The following DENND2C variants were observed in gnomAD, a reference collection of about 807,000 sequenced individuals.
DENND2C encodes the protein DENN domain containing 2C.
Under a neutral mutation model 112.4 loss-of-function variants are expected in DENND2C, and 72 were observed. The ratio of observed to expected loss-of-function variants is 0.64; its 90% CI spans 0.53 to 0.78. DENND2C has a LOEUF of 0.78. Among genes scored for constraint, DENND2C ranks in the 30% least tolerant of loss-of-function variants. The pLI is 0.00. For missense variants in DENND2C, 992 were observed against 1,113.8 expected (o/e 0.89, Z 1.56); for synonymous variants, 329 against 381.6 (o/e 0.86, Z 1.61).
At chr1:114,657,144 A>T (rs1208805595) in intron 1 of DENND2C, among the ~76,000 whole-genome samples, 1 of 152,218 alleles carries the variant, frequency 6.6e-6, no homozygotes, top group Non-Finnish European at 1.5e-5. Context: ...ATGAGGTTGC[A>T]GTCACTCCTC....
intron 3 of DENND2C, among the ~76,000 whole-genome samples, chr1:114,637,460 A>G (rs1394379506): frequency 6.6e-6 from 1 of 152,138 alleles, no homozygotes; most frequent in East Asian, 1.9e-4. Flanking sequence ...AATGTGGAGT[A>G]AAAAATAAAG....
chr1:114,591,035 C>T (rs1021591700), intron 18 of DENND2C, among the ~76,000 whole-genome samples: 1 of 151,952 alleles, frequency 6.6e-6, no homozygotes, highest in Admixed American at 6.6e-5. Flanking sequence ...GGCACCATCA[C>T]AGCTCACTGC....
chr1:114,602,168 C>T lies in DENND2C; in HGVS notation c.1694G>A (p.Gly565Asp), dbSNP rs147644726. 92 of 1,613,804 alleles carry T rather than the reference C, an allele frequency of 5.7e-5. No individual in the cohort carries two copies. The African/African-American group carries it at 1.0e-3, about 18-fold the overall frequency. Reference sequence around the variant, plus strand: ...ACCAAACCACCGGCTTCCATCTTCACCAGTCAAGACAAAGGAGAATGTTTC... The same window carrying T: ...ACCAAACCACCGGCTTCCATCTTCATCAGTCAAGACAAAGGAGAATGTTTC... Reference protein sequence around the residue: ...KSETFSFVLTGEDGSRWFGYC... With the variant: ...KSETFSFVLTDEDGSRWFGYC... Residue 565 changes from glycine (G) to aspartate (D), a missense_variant, in exon 12 of 21, where the codon GGT (glycine) becomes GAT (aspartate). Transcript: ENST00000393274.
rs750364375 is a variant in DENND2C at position 114,599,379 on chromosome 1, T to C, written c.2178A>G (p.Pro726=). The C allele has an allele frequency of 9.3e-6, 15 of 1,614,078 alleles. No individual in the cohort carries two copies. The highest frequency in any genetic ancestry group is 1.3e-5 in the Non-Finnish European group (15 of 1,179,992). Residue 726 remains proline, a synonymous_variant, in exon 16 of 21, where the codon CCA becomes CCG. Transcript: ENST00000393274. Reference sequence around the variant, plus strand: ...TGTCAATCATAGATGCTGGCAGGACTGGGATATAGGTATGCTGCCAGGTGA... The same window carrying C: ...TGTCAATCATAGATGCTGGCAGGACCGGGATATAGGTATGCTGCCAGGTGA... ...YPFTWQHTYI[P]VLPASMIDIV...
intron 1 of DENND2C, among the ~76,000 whole-genome samples, chr1:114,662,941 C>T (rs1459767997): frequency 3.3e-5 from 5 of 150,270 alleles, no homozygotes; most frequent in African/African-American, 1.2e-4. Flanking sequence ...GCCTGGGTGA[C>T]AGAGAAAGAC....
At chr1:114,656,513 C>T (rs1225424832) in intron 1 of DENND2C, among the ~76,000 whole-genome samples, 1 of 151,610 alleles carries the variant, frequency 6.6e-6, no homozygotes. Context: ...TCTCCTGCCT[C>T]AGCCTCTCAA....
At chr1:114,615,179 C>T (rs533022316) in intron 8 of DENND2C, among the ~76,000 whole-genome samples, 17 of 152,240 alleles carry the variant, frequency 1.1e-4, no homozygotes, top group African/African-American at 4.1e-4. Flanking sequence ...ATACTATCTG[C>T]CACAGAGTTA....
intron 16 of DENND2C, among the ~76,000 whole-genome samples, chr1:114,597,146 TAA>T (rs910442535): frequency 2.0e-5 from 3 of 151,962 alleles, no homozygotes; most frequent in African/African-American, 7.3e-5. Flanking sequence ...ACCCAGAATA[TAA>T]AAAGACATGT....
intron 3 of DENND2C, among the ~76,000 whole-genome samples, chr1:114,634,960 G>A (rs1363024512): frequency 2.0e-5 from 3 of 149,774 alleles, no homozygotes; most frequent in African/African-American, 4.9e-5. Flanking sequence ...CCTGGGAGGC[G>A]GAGGTTGCAG....
In DENND2C at chr1:114,600,938, C is replaced by G. The variant is rs1422609598; in HGVS notation, c.1838G>C (p.Arg613Thr). The G allele has an allele frequency of 1.2e-6, 2 of 1,613,692 alleles. No individual in the cohort carries two copies. The highest frequency in any genetic ancestry group is 8.5e-7 in the Non-Finnish European group (1 of 1,179,690). The stretch of plus-strand genomic sequence containing the variant: ...AACAAGGGCTGGAGACATTTCTCTT[C>G]TCTTCTCTACTTCATCCAGAATCTA... ...FSKILDEVEKRREMSPALVYP... is the reference protein window; with the variant it reads ...FSKILDEVEKTREMSPALVYP... Residue 613 changes from arginine to threonine, a missense_variant, in exon 14 of 21, where the codon AGA (arginine) becomes ACA (threonine). By Grantham distance (71) the Arg-to-Thr change is moderately conservative (BLOSUM62 -1). This residue lies in a region of DENND2C where 516 missense variants were observed against 623.6 expected (regional missense o/e 0.83). Coordinates refer to ENST00000393274, the MANE Select transcript of DENND2C (RefSeq NM_001256404.2).
chr1:114,653,623 T>A (rs1203482060), intron 2 of DENND2C, among the ~76,000 whole-genome samples: 1 of 152,172 alleles, frequency 6.6e-6, no homozygotes, highest in Non-Finnish European at 1.5e-5. Context: ...TTATAACTTT[T>A]TATAATGATT....
At chr1:114,656,121 G>A (rs1408552715) in intron 1 of DENND2C, among the ~76,000 whole-genome samples, 3 of 151,716 alleles carry the variant, frequency 2.0e-5, no homozygotes, top group Non-Finnish European at 4.4e-5. Context: ...AGGCTGGAGT[G>A]CAATGGTACA....
chr1:114,653,764 T>G (rs1657233327), intron 2 of DENND2C, among the ~76,000 whole-genome samples: 1 of 152,160 alleles, frequency 6.6e-6, no homozygotes, highest in Non-Finnish European at 1.5e-5. Flanking sequence ...TTTTTAAAAA[T>G]GAACACATAT....
At position 114,584,451 on chromosome 1, in the gene DENND2C, A is replaced by C. The variant is rs1248047516; in HGVS notation, c.*1149T>G. 6.6e-6 allele frequency: 1 copy of C among 152,016 alleles called. No homozygotes were observed. The allele number at this position is 152,016 out of a possible 1,614,324, so 9.4% of individuals were successfully genotyped here. A position where few individuals can be genotyped will look rare whatever the true frequency, so the allele number is the denominator to read the frequency against. ...CACACCCAGCTAATTTTTTGTGTGT[A>C]TTTTTAGTAGAGACAGAGTTTCACC... is the stretch of plus-strand genomic sequence containing the variant. On this transcript the variant is annotated 3_prime_UTR_variant, in exon 21 of 21. Transcript: ENST00000393274.
chr1:114,624,973 C>T (rs1656289321), intron 4 of DENND2C, among the ~76,000 whole-genome samples: 2 of 152,154 alleles, frequency 1.3e-5, no homozygotes, highest in South Asian at 2.1e-4. Flanking sequence ...TTCTGATGCT[C>T]TTATGTCAAC....
intron 9 of DENND2C, among the ~76,000 whole-genome samples, chr1:114,610,208 G>A (rs1655773522): frequency 6.6e-6 from 1 of 152,182 alleles, no homozygotes; most frequent in Non-Finnish European, 1.5e-5. Flanking sequence ...AAGCATCATC[G>A]TTAGATGAAG....
Position 114,622,077 on chromosome 1 carries a change from G to A in DENND2C, c.1057-12C>T. 1 of 1,523,346 alleles carries A rather than the reference G, an allele frequency of 6.6e-7. No individual in the cohort carries two copies. The highest frequency in any genetic ancestry group is 8.8e-7 in the Non-Finnish European group (1 of 1,136,382). 94.4% of individuals were successfully genotyped at this position (1,523,346 alleles called of 1,614,324 possible). Reference sequence around the variant, plus strand: ...GGTTTTGGAGGGAGCTAAAACAGGAGAAGATGTACTGGTAAGATCACCTAG... The same window carrying A: ...GGTTTTGGAGGGAGCTAAAACAGGAAAAGATGTACTGGTAAGATCACCTAG... On this transcript the variant is annotated splice_polypyrimidine_tract_variant and intron_variant, in intron 6 of 20. Transcript: ENST00000393274.
At chr1:114,626,617 TC>T (rs1386287687) in intron 3 of DENND2C, among the ~76,000 whole-genome samples, 1 of 150,458 alleles carries the variant, frequency 6.6e-6, no homozygotes, top group East Asian at 2.0e-4. Context: ...GTTCAAGTGA[TC>T]TTCCCCCTCA....
intron 20 of DENND2C, chr1:114,586,759 G>T (rs985803040): frequency 6.8e-5 from 10 of 147,172 alleles, no homozygotes; most frequent in Non-Finnish European, 1.2e-4. Context: ...TATTTTTTTA[G>T]AGACAAGAAT....
Sources: gnomAD v4.1 joint callset for allele counts (sites outside exome capture counted in the v4.1 genomes callset) on GRCh38, gnomAD v4.1.1 for gene constraint, gnomAD v4.1.1 regional missense constraint, MANE v1.5 for transcripts, NCBI Gene and HGNC (gene_info 2026-07-23, HGNC 2026-07-21) for gene names.